TCIRG1: variants seen among roughly 807,000 people sequenced by gnomAD.
TCIRG1 encodes V-type proton ATPase 116 kDa subunit a 3.
Under a neutral mutation model 95.5 loss-of-function variants are expected in TCIRG1, and 86 were observed. That is an observed-to-expected ratio of 0.90 (90% CI 0.76 to 1.08). TCIRG1 has a LOEUF of 1.08. Ranked by LOEUF, TCIRG1 falls within the 50% of genes least tolerant of loss-of-function variation. The pLI is 0.00. For missense variants in TCIRG1, 1,069 were observed against 1,140.2 expected, an observed-to-expected ratio of 0.94 and a Z score of 0.90; for synonymous variants, 499 against 501.3, an observed-to-expected ratio of 1.00 and a Z score of 0.06.
chr11:68,050,367 C>T (rs1340234236), intron 18 of TCIRG1, 113 bp downstream of exon 18: 2 of 1,602,054 alleles, frequency 1.2e-6, no homozygotes, highest in Non-Finnish European at 1.7e-6. Flanking sequence ...TAAAGTGGGA[C>T]TGTCCAAGGA....
Position 68,047,489 on chromosome 11 carries a change from G to A in TCIRG1, c.1222G>A (p.Gly408Ser), listed in dbSNP as rs1166821993. The change falls in exon 11 of 20, where the codon GGC (glycine) becomes AGC (serine). Residue 408 changes from glycine (G) to serine (S), a missense_variant. By Grantham distance (56) the Gly-to-Ser change is moderately conservative. Transcript: ENST00000265686. ...FLFAVMFGDV[G>S]HGLLMFLFAL... is the part of the protein sequence containing the mutation. ...GTTTGCTGTGATGTTCGGGGATGTG[G>A]GCCACGGGCTGCTCATGTTCCTGTT... 3 of 1,613,940 alleles carry A rather than the reference G, an allele frequency of 1.9e-6. No individual in the cohort carries two copies. The highest frequency in any genetic ancestry group is 3.3e-5 in the Admixed American group (2 of 60,006).
chr11:68,051,868 G>A (rs904324195), downstream of TCIRG1, among the ~76,000 whole-genome samples: 1 of 152,174 alleles, frequency 6.6e-6, no homozygotes, highest in Non-Finnish European at 1.5e-5. Flanking sequence ...AGTGAGGTGG[G>A]GATAGGTGAG....
rs759672597 is a variant in TCIRG1, at chr11:68,050,626, G to A, written c.2376G>A (p.Glu792=). 6.2e-7 allele frequency: 1 copy of A among 1,613,352 alleles called. No homozygotes were observed. Among genetic ancestry groups the A allele is most frequent in the South Asian group, 1.1e-5 (1 of 91,092 alleles). ...CCGTGGCTATCCTGCTGGTGATGGA[G>A]GGACTCTCAGCCTTCCTGCACGCCC... is the stretch of plus-strand genomic sequence containing the variant. ...VMTVAILLVM[E]GLSAFLHALR... The change falls in exon 19 of 20, where the codon GAG becomes GAA. Residue 792 remains glutamate (E), a synonymous_variant. Coordinates refer to ENST00000265686, the MANE Select transcript of TCIRG1 (RefSeq NM_006019.4).
chr11:68,043,112 C>T (rs965008893), intron 5 of TCIRG1, 81 bp downstream of exon 5: 24 of 1,546,266 alleles, frequency 1.6e-5, no homozygotes, highest in Middle Eastern at 2.2e-4. Context: ...GGCTGAGCTC[C>T]GACTCCTTGT....
Position 68,039,064 on chromosome 11 carries a change from G to C in TCIRG1, c.-60G>C, listed in dbSNP as rs1855037588. Reference sequence around the variant, plus strand: ...GGGAGTGCAGTTCTGAGTCCCGCCCGGCGTGCGCGGAGCGGGGCAGCCAGC... The same window carrying C: ...GGGAGTGCAGTTCTGAGTCCCGCCCCGCGTGCGCGGAGCGGGGCAGCCAGC... On this transcript the variant is annotated 5_prime_UTR_variant, in exon 1 of 20. Transcript: ENST00000265686. 6.6e-6 allele frequency: 1 copy of C among 152,048 alleles called. No individual in the cohort carries two copies. The highest frequency in any genetic ancestry group is 2.4e-5 in the African/African-American group (1 of 41,394). 9.4% of individuals were successfully genotyped at this position (152,048 alleles called of 1,614,324 possible).
chr11:68,044,876 C>T (rs747322142), intron 9 of TCIRG1, 82 bp from the exon 10 acceptor site: 3 of 1,578,036 alleles, frequency 1.9e-6, no homozygotes, highest in Non-Finnish European at 8.6e-7. Flanking sequence ...GGCTCTACAT[C>T]TCCAGCTGGG....
In TCIRG1 at chr11:68,043,487, AC is replaced by A. The variant is rs1434984575; in HGVS notation, c.624del (p.Val209Ter). The A allele has an allele frequency of 1.3e-6, 2 of 1,565,726 alleles. No individual in the cohort carries two copies. Among genetic ancestry groups the A allele is most frequent in the East Asian group, 2.4e-5 (1 of 42,212 alleles). ...SFRELEQPLE[H>X]PVTGEPATWM... ...AGGGAGCTGGAGCAGCCGCTGGAGCACCCCGTGACGGTGAGCAGCTGGCGCT... is the reference window on the plus strand; with the variant it reads ...AGGGAGCTGGAGCAGCCGCTGGAGCACCCGTGACGGTGAGCAGCTGGCGCT... On this transcript the variant is annotated frameshift_variant, in exon 6 of 20. Coordinates refer to ENST00000265686, the MANE Select transcript of TCIRG1 (RefSeq NM_006019.4). LOFTEE classifies it high-confidence loss of function.
In TCIRG1 at chr11:68,043,958, G is replaced by T. The variant is rs750955487; in HGVS notation, c.807+51G>T. The T allele has an allele frequency of 3.5e-5, 51 of 1,442,514 alleles. No individual in the cohort carries two copies. In the Middle Eastern group the frequency reaches 9.1e-4, roughly 26 times the overall value. The allele number at this position is 1,442,514 out of a possible 1,614,324, so 89.4% of individuals were successfully genotyped here. A position where few individuals can be genotyped will look rare whatever the true frequency, so the allele number is the denominator to read the frequency against. On this transcript the variant is annotated intron_variant, in intron 8 of 19. Coordinates refer to ENST00000265686, the MANE Select transcript of TCIRG1 (RefSeq NM_006019.4). ...CGGGTGTAGGAGGTGGGTGCCCCCG[G>T]CCTCCCGGAGGTGGGTGCAGGAGGT... is the stretch of plus-strand genomic sequence containing the variant.
At chr11:68,052,147 CG>C (rs1855818035), downstream of TCIRG1, 1 of 152,240 alleles carries the variant, frequency 6.6e-6, no homozygotes, top group Non-Finnish European at 1.5e-5. Flanking sequence ...TCCTTGTCCA[CG>C]TGAGCTTATG....
Position 68,050,519 on chromosome 11 carries a change from C to A in TCIRG1, c.2269C>A (p.Arg757Ser), listed in dbSNP as rs142606750. ...CGAGGTTCTGTGGGCCATGGTGATG[C>A]GCATAGGCCTGGGCCTGGGCCGGGA... ...LSEVLWAMVM[R>S]IGLGLGREVG... Residue 757 changes from arginine to serine, a missense_variant, in exon 19 of 20, where the codon CGC becomes AGC. By Grantham distance (110) the Arg-to-Ser change is moderately radical. Coordinates refer to ENST00000265686, the MANE Select transcript of TCIRG1 (RefSeq NM_006019.4). 1 of 1,612,002 alleles carries A rather than the reference C, an allele frequency of 6.2e-7. No individual in the cohort carries two copies.
intron 10 of TCIRG1, among the ~76,000 whole-genome samples, chr11:68,046,078 A>G (rs1193299646): frequency 6.6e-6 from 1 of 152,232 alleles, no homozygotes; most frequent in Non-Finnish European, 1.5e-5. Context: ...CGTGGCAGAT[A>G]GAATGCTGCC....
Position 68,050,759 on chromosome 11 carries a change from G to C in TCIRG1, c.2433G>C (p.Lys811Asn), listed in dbSNP as rs1043254769. ...LRLHWVEFQN[K>N]FYSGTGYKLS... ...CCCCCAGGGTGGAATTCCAGAACAA[G>C]TTCTACTCAGGCACGGGCTACAAGC... Residue 811 changes from lysine (K) to asparagine (N), a missense_variant, in exon 20 of 20, where the codon AAG becomes AAC. By Grantham distance (94) the Lys-to-Asn change is moderately conservative (BLOSUM62 0). Transcript: ENST00000265686. 3.1e-6 allele frequency: 5 copies of C among 1,613,828 alleles called. No homozygotes were observed. Among genetic ancestry groups the C allele is most frequent in the Non-Finnish European group, 4.2e-6 (5 of 1,180,042 alleles).
rs779249289 is a variant in TCIRG1 at position 68,047,627 on chromosome 11, C to T, written c.1306-20C>T. 6.2e-7 allele frequency: 1 copy of T among 1,613,108 alleles called. No individual in the cohort carries two copies. Among genetic ancestry groups the T allele is most frequent in the Non-Finnish European group, 8.5e-7 (1 of 1,179,988 alleles). On this transcript the variant is annotated intron_variant, in intron 11 of 19. Transcript: ENST00000265686. ...GGTAGCAGGGCCAGGCAGCCCCTCA[C>T]CACACCACTGCCCCCCCAGATCTGG...
intron 9 of TCIRG1, chr11:68,044,713 C>G (rs1027312115): frequency 1.6e-6 from 1 of 607,346 alleles, no homozygotes; most frequent in African/African-American, 1.8e-5. Flanking sequence ...AGGCTGGGCT[C>G]CTTCTCCTGG....
At chr11:68,051,828 G>GA (rs1855807535), downstream of TCIRG1, among the ~76,000 whole-genome samples, 1 of 152,228 alleles carries the variant, frequency 6.6e-6, no homozygotes, top group African/African-American at 2.4e-5. Flanking sequence ...CCCTCCTGGG[G>GA]AGAGAGCTGG....
chr11:68,041,650 G>A (rs1158656552), intron 2 of TCIRG1, 103 bp from the exon 3 acceptor site: 1 of 978,046 alleles, frequency 1.0e-6, no homozygotes, highest in South Asian at 1.4e-5. Flanking sequence ...CACCTTTCTG[G>A]AGGAGGCAGC....
chr11:68,048,968 T>C lies in TCIRG1; in HGVS notation c.1644T>C (p.Phe548=), dbSNP rs963822309. 1 of 1,613,624 alleles carries C rather than the reference T, an allele frequency of 6.2e-7. No individual in the cohort carries two copies. Among genetic ancestry groups the C allele is most frequent in the Non-Finnish European group, 8.5e-7 (1 of 1,180,016 alleles). The change falls in exon 14 of 20, where the codon TTT becomes TTC. Residue 548 remains phenylalanine (F), a synonymous_variant. Coordinates refer to ENST00000265686, the MANE Select transcript of TCIRG1 (RefSeq NM_006019.4). ...TCCTGGGCGTCGTGCACATGGCCTT[T>C]GGGGTGGTCCTCGGAGTCTTCAACC... ...SVILGVVHMA[F]GVVLGVFNHV...
chr11:68,049,566 G>A (rs1399040151), intron 15 of TCIRG1, 97 bp from the exon 16 acceptor site: 37 of 1,503,554 alleles, frequency 2.5e-5, no homozygotes, highest in East Asian at 1.2e-4. Flanking sequence ...AGGGAGGAGC[G>A]ACCGCAGGCT....
chr11:68,042,739 A>T lies in TCIRG1; in HGVS notation c.293A>T (p.Gln98Leu). The T allele has an allele frequency of 3.2e-6, 5 of 1,547,176 alleles. No homozygotes were observed. The highest frequency in any genetic ancestry group is 4.4e-6 in the Non-Finnish European group (5 of 1,146,270). The change falls in exon 4 of 20, where the codon CAG (glutamine) becomes CTG (leucine). Residue 98 changes from glutamine (Q) to leucine (L), a missense_variant. Transcript: ENST00000265686. Reference sequence around the variant, plus strand: ...CCACCCCGGGACCTGCTGCGCATCCAGGAGGAGACGGAGCGCCTGGCCCAG... The same window carrying T: ...CCACCCCGGGACCTGCTGCGCATCCTGGAGGAGACGGAGCGCCTGGCCCAG... ...APPPRDLLRIQEETERLAQEL... is the reference protein window; with the variant it reads ...APPPRDLLRILEETERLAQEL...
Sources: gnomAD v4.1 joint callset for allele counts (sites outside exome capture counted in the v4.1 genomes callset) on GRCh38, gnomAD v4.1.1 for gene constraint, MANE v1.5 for transcripts, NCBI Gene and HGNC (gene_info 2026-07-23, HGNC 2026-07-21) for gene names.